FAM240A: variants seen among roughly 807,000 people sequenced by gnomAD.
The protein encoded by FAM240A is family with sequence similarity 240 member A, also known as protein FAM240A.
In FAM240A, 8 loss-of-function variants were observed where a neutral mutation model predicts 7.3. That is an observed-to-expected ratio of 1.09 (90% confidence interval 0.64 to 1.97). The LOEUF (loss-of-function observed/expected upper bound fraction) is 1.97, where lower values mean the gene tolerates loss of function less well. FAM240A is among the 30% of genes most tolerant of loss of function. The probability of loss-of-function intolerance (pLI) is 0.00; values close to 1 mark genes in which losing one functional copy is unlikely to be tolerated. For synonymous variants in FAM240A, 32 were observed against 35.9 expected, an observed-to-expected ratio of 0.89 and a Z score of 0.38; for missense variants, 90 against 102.2, an observed-to-expected ratio of 0.88 and a Z score of 0.52.
At position 46,626,279 on chromosome 3, in the gene FAM240A, G is replaced by A. The variant is rs1430779659; in HGVS notation, c.*1061G>A. 6.6e-6 allele frequency: 1 copy of A among 152,150 alleles called. No homozygotes were observed. The highest frequency in any genetic ancestry group is 6.5e-5 in the Admixed American group (1 of 15,274). The allele number at this position is 152,150 out of a possible 1,614,324, so 9.4% of individuals were successfully genotyped here. On this transcript the variant is annotated 3_prime_UTR_variant, in exon 3 of 3. Coordinates refer to ENST00000640551, the MANE Select transcript of FAM240A (RefSeq NM_001195442.2). The stretch of plus-strand genomic sequence containing the variant: ...ATGTGTGTTCGGAGTCCCAAGCTAA[G>A]GAATCCGGGAGTGGCCAACCGGGAG...
chr3:46,613,506 A>AATAAATAAATAT (rs2107137707), intron 1 of FAM240A, among the ~76,000 whole-genome samples: 1 of 151,278 alleles, frequency 6.6e-6, no homozygotes, highest in East Asian at 1.9e-4. Flanking sequence ...TAAATAAATA[A>AATAAATAAATAT]ATAAATAAAT....
chr3:46,623,334 T>C lies in FAM240A; in HGVS notation c.162-1794T>C, dbSNP rs183662036. Among the ~76,000 whole-genome samples the C allele has an allele frequency of 3.9e-5, 6 of 152,314 alleles. No individual in the cohort carries two copies. In the East Asian group the frequency reaches 1.2e-3, roughly 29 times the overall value. On this transcript the variant is annotated intron_variant, in intron 2 of 2. Coordinates refer to ENST00000640551, the MANE Select transcript of FAM240A (RefSeq NM_001195442.2). Reference sequence around the variant, plus strand: ...TAGCCCAGAATATTTTCTATCTTCGTAAATATTCCATGTATGTTTGAAAAA... The same window carrying C: ...TAGCCCAGAATATTTTCTATCTTCGCAAATATTCCATGTATGTTTGAAAAA...
chr3:46,625,012 TA>T, intron 2 of FAM240A, 115 bp from the exon 3 acceptor site: 1 of 506,062 alleles, frequency 2.0e-6, no homozygotes, highest in East Asian at 3.7e-5. Flanking sequence ...GCATGCCTTT[TA>T]AAACCTGAAC....
chr3:46,615,410 A>G, intron 1 of FAM240A, among the ~76,000 whole-genome samples: 1 of 151,938 alleles, frequency 6.6e-6, no homozygotes, highest in East Asian at 1.9e-4. Context: ...TTCATTTTCC[A>G]CACAGAGTTT....
intron 2 of FAM240A, among the ~76,000 whole-genome samples, chr3:46,621,560 G>C (rs1419167025): frequency 6.6e-6 from 1 of 152,158 alleles, no homozygotes; most frequent in African/African-American, 2.4e-5. Context: ...TTGAGTTTGA[G>C]ACCAGGCTGG....
At position 46,617,171 on chromosome 3, in the gene FAM240A, T is replaced by C. The variant is rs1219672652; in HGVS notation, c.16-12T>C. 1.3e-6 allele frequency: 2 copies of C among 1,511,440 alleles called. No homozygotes were observed. The highest frequency in any genetic ancestry group is 1.8e-6 in the Non-Finnish European group (2 of 1,136,074). 93.6% of individuals were successfully genotyped at this position (1,511,440 alleles called of 1,614,324 possible). On this transcript the variant is annotated splice_polypyrimidine_tract_variant and intron_variant, in intron 1 of 2. Coordinates refer to ENST00000640551, the MANE Select transcript of FAM240A (RefSeq NM_001195442.2). ...GTTTTTTGGTTATTTGTATGGCTAT[T>C]TTCCTTTTTAGGGGATGAACAATCA...
At position 46,612,705 on chromosome 3, in the gene FAM240A, GTTAA is replaced by G; in HGVS notation, c.15+14_15+17del. Reference sequence around the variant, plus strand: ...CTTCATGCGGTTGTTCTCTGTAAGTGTTAATTAATTTGTTGATTTTGTGAAGTAA... The same window carrying G: ...CTTCATGCGGTTGTTCTCTGTAAGTGTTAATTTGTTGATTTTGTGAAGTAA... On this transcript the variant is annotated splice_region_variant and intron_variant, in intron 1 of 2. Coordinates refer to ENST00000640551, the MANE Select transcript of FAM240A (RefSeq NM_001195442.2). 2 of 1,534,250 alleles carry G rather than the reference GTTAA, an allele frequency of 1.3e-6. No individual in the cohort carries two copies. Among genetic ancestry groups the G allele is most frequent in the African/African-American group, 1.4e-5 (1 of 73,122 alleles).
Position 46,625,702 on chromosome 3 carries a change from A to T in FAM240A, c.*484A>T, listed in dbSNP as rs376242877. 6.6e-6 allele frequency: 1 copy of T among 152,192 alleles called. No homozygotes were observed. Among genetic ancestry groups the T allele is most frequent in the Admixed American group, 6.5e-5 (1 of 15,276 alleles). The allele number at this position is 152,192 out of a possible 1,614,324, so 9.4% of individuals were successfully genotyped here. A position where few individuals can be genotyped will look rare whatever the true frequency, so the allele number is the denominator to read the frequency against. On this transcript the variant is annotated 3_prime_UTR_variant, in exon 3 of 3. Coordinates refer to ENST00000640551, the MANE Select transcript of FAM240A (RefSeq NM_001195442.2). The stretch of plus-strand genomic sequence containing the variant: ...TGCAGAAATTAAAAAACAATTATCA[A>T]TAGTCAAAGTACAATTTGAAAATAA...
At chr3:46,617,449 C>T in intron 2 of FAM240A, 121 bp downstream of exon 2, 1 of 791,304 alleles carries the variant, frequency 1.3e-6, no homozygotes, top group Non-Finnish European at 1.8e-6. Flanking sequence ...TCCCTGAGCC[C>T]CCACGCAATT....
chr3:46,621,052 T>A (rs931301684), intron 2 of FAM240A, among the ~76,000 whole-genome samples: 7 of 152,194 alleles, frequency 4.6e-5, no homozygotes. Flanking sequence ...GTTTCTCTAC[T>A]TTTTTGTATG....
chr3:46,617,462 C>A, intron 2 of FAM240A, 134 bp downstream of exon 2: 1 of 666,652 alleles, frequency 1.5e-6, no homozygotes, highest in Non-Finnish European at 2.3e-6. Context: ...ACGCAATTGC[C>A]CCACTGTCAA....
intron 1 of FAM240A, among the ~76,000 whole-genome samples, chr3:46,612,952 G>A (rs1697583376): frequency 6.6e-6 from 1 of 152,130 alleles, no homozygotes; most frequent in Admixed American, 6.5e-5. Flanking sequence ...GTAGACACCA[G>A]GAAACCGAAA....
rs1008341090 is a variant in FAM240A, at chr3:46,626,358, T to C, written c.*1140T>C. 3 of 152,206 alleles carry C rather than the reference T, an allele frequency of 2.0e-5. No homozygotes were observed. Among genetic ancestry groups the C allele is most frequent in the Admixed American group, 6.5e-5 (1 of 15,278 alleles). 9.4% of individuals were successfully genotyped at this position (152,206 alleles called of 1,614,324 possible). ...GAACCCCCAGCCATCCTTTGGAACA[T>C]AGGTTGTACAGGGGATCAAAGCCTT... On this transcript the variant is annotated 3_prime_UTR_variant, in exon 3 of 3. Coordinates refer to ENST00000640551, the MANE Select transcript of FAM240A (RefSeq NM_001195442.2).
chr3:46,615,850 G>GCACACACACACA (rs111864834), intron 1 of FAM240A, among the ~76,000 whole-genome samples: 6 of 150,232 alleles, frequency 4.0e-5, no homozygotes, highest in African/African-American at 9.8e-5. Context: ...ATGTGTGCAC[G>GCACACACACACA]CACACACACA....
chr3:46,623,745 C>T (rs1235364195), intron 2 of FAM240A, among the ~76,000 whole-genome samples: 1 of 152,126 alleles, frequency 6.6e-6, no homozygotes, highest in African/African-American at 2.4e-5. Flanking sequence ...CGTCCTTTTA[C>T]TTTTAACCTA....
chr3:46,623,636 C>G (rs559954044), intron 2 of FAM240A, among the ~76,000 whole-genome samples: 1 of 152,074 alleles, frequency 6.6e-6, no homozygotes, highest in Non-Finnish European at 1.5e-5. Context: ...CAAAATGACC[C>G]TCTTTCTCTT....
At chr3:46,622,336 G>C (rs1474989621) in intron 2 of FAM240A, among the ~76,000 whole-genome samples, 1 of 151,824 alleles carries the variant, frequency 6.6e-6, no homozygotes, top group Non-Finnish European at 1.5e-5. Context: ...TCAATCTTCT[G>C]ACCTCGTGAT....
chr3:46,612,892 T>C (rs1407849453), intron 1 of FAM240A, among the ~76,000 whole-genome samples, 194 bp downstream of exon 1: 2 of 152,202 alleles, frequency 1.3e-5, no homozygotes, highest in Non-Finnish European at 2.9e-5. Context: ...TTTCCAACTA[T>C]GGACAGTCTC....
Position 46,625,705 on chromosome 3 carries a change from G to T in FAM240A, c.*487G>T, listed in dbSNP as rs1190651517. ...AGAAATTAAAAAACAATTATCAATA[G>T]TCAAAGTACAATTTGAAAATAAATT... On this transcript the variant is annotated 3_prime_UTR_variant, in exon 3 of 3. Transcript: ENST00000640551. 1 of 152,106 alleles carries T rather than the reference G, an allele frequency of 6.6e-6. No homozygotes were observed. The highest frequency in any genetic ancestry group is 2.4e-5 in the African/African-American group (1 of 41,402). The allele number at this position is 152,106 out of a possible 1,614,324, so 9.4% of individuals were successfully genotyped here.
Sources: gnomAD v4.1 joint callset for allele counts (sites outside exome capture counted in the v4.1 genomes callset) on GRCh38, gnomAD v4.1.1 for gene constraint, MANE v1.5 for transcripts, NCBI Gene and HGNC (gene_info 2026-07-23, HGNC 2026-07-21) for gene names.